The following MMP24 variants were observed in gnomAD, a reference collection of about 807,000 sequenced individuals.
MMP24 encodes matrix metallopeptidase 24.
A neutral mutation model predicts 62.8 loss-of-function variants in MMP24; 25 were observed. The ratio of observed to expected loss-of-function variants is 0.40; its 90% confidence interval spans 0.29 to 0.56. The LOEUF (loss-of-function observed/expected upper bound fraction) is 0.56, where lower values mean the gene tolerates loss of function less well. MMP24 is among the 20% of genes least tolerant of loss of function. MMP24 has a pLI of 0.50. For synonymous variants in MMP24, 319 were observed against 350.5 expected (o/e 0.91, Z 1.00); for missense variants, 634 against 853.6 (o/e 0.74, Z 3.21).
rs1311466047 is a variant in MMP24 at position 35,254,751 on chromosome 20, G to C, written c.814G>C (p.Asp272His). ...ATGGACGCTAGGAAATGCCAACCAT[G>C]ACGGTAAGGCCATGAGGGGACAGGG... ...EPWTLGNANH[D>H]GNDLFLVAVH... Residue 272 changes from aspartate to histidine, a missense_variant, in exon 4 of 9, where the codon GAC (aspartate) becomes CAC (histidine). Transcript: ENST00000246186. 6.2e-7 allele frequency: 1 copy of C among 1,610,576 alleles called. No homozygotes were observed. Among genetic ancestry groups the C allele is most frequent in the Non-Finnish European group, 8.5e-7 (1 of 1,177,832 alleles).
chr20:35,267,320 C>T lies in MMP24; in HGVS notation c.1095C>T (p.Pro365=). Reference sequence around the variant, plus strand: ...GCCAGCCCAGGCCCCCTCGGCCGCCCCTCGGGGACCGGCCATCCACACCAG... The same window carrying T: ...GCCAGCCCAGGCCCCCTCGGCCGCCTCTCGGGGACCGGCCATCCACACCAG... ...HERQPRPPRP[P]LGDRPSTPGT... Residue 365 remains proline (P), a synonymous_variant, in exon 6 of 9, where the codon CCC becomes CCT. Coordinates refer to ENST00000246186, the MANE Select transcript of MMP24 (RefSeq NM_006690.4). 1 of 1,590,954 alleles carries T rather than the reference C, an allele frequency of 6.3e-7. No individual in the cohort carries two copies. The highest frequency in any genetic ancestry group is 8.6e-7 in the Non-Finnish European group (1 of 1,169,468).
intron 4 of MMP24, 29 bp downstream of exon 4, chr20:35,254,783 C>T: frequency 6.4e-7 from 1 of 1,573,444 alleles, no homozygotes; most frequent in Non-Finnish European, 8.6e-7. Context: ...AGGGGTCAGT[C>T]TTGGGCTGCT....
intron 2 of MMP24, among the ~76,000 whole-genome samples, chr20:35,250,572 A>G (rs535797608): frequency 3.9e-5 from 6 of 152,122 alleles, no homozygotes; most frequent in Middle Eastern, 3.4e-3. Context: ...CAAAAAAAAA[A>G]AAAGAAAGAA....
intron 2 of MMP24, among the ~76,000 whole-genome samples, chr20:35,250,666 A>G (rs1054717806): frequency 4.5e-4 from 69 of 152,192 alleles, no homozygotes; most frequent in African/African-American, 1.6e-3. Flanking sequence ...TACAGGAAGC[A>G]TGGCTGGGGA....
chr20:35,227,790 A>G (rs2060421245), intron 1 of MMP24, among the ~76,000 whole-genome samples: 1 of 152,200 alleles, frequency 6.6e-6, no homozygotes, highest in Admixed American at 6.5e-5. Flanking sequence ...TCTATGAAAT[A>G]GCTGCAATTA....
In MMP24 at chr20:35,271,491, T is replaced by C. The variant is rs1465374736; in HGVS notation, c.1334-78T>C. 6.5e-7 allele frequency: 1 copy of C among 1,529,866 alleles called. No individual in the cohort carries two copies. The highest frequency in any genetic ancestry group is 8.8e-7 in the Non-Finnish European group (1 of 1,132,826). 94.8% of individuals were successfully genotyped at this position (1,529,866 alleles called of 1,614,324 possible). A position where few individuals can be genotyped will look rare whatever the true frequency, so the allele number is the denominator to read the frequency against. ...CAAGGGGCTGAGGGCATCAGACTGT[T>C]TTCACCTGACACCCTGAAGATGGGC... On this transcript the variant is annotated intron_variant, in intron 7 of 8. Coordinates refer to ENST00000246186, the MANE Select transcript of MMP24 (RefSeq NM_006690.4). The surrounding 1 kb of genome is among the most constrained non-coding windows in gnomAD (Gnocchi z 4.0).
intron 1 of MMP24, among the ~76,000 whole-genome samples, chr20:35,238,415 T>G (rs1436086387): frequency 1.3e-5 from 2 of 152,096 alleles, no homozygotes; most frequent in Non-Finnish European, 2.9e-5. Context: ...CTGACAGGGA[T>G]GTACAAGGAC....
chr20:35,227,036 CG>C (rs1322136792), intron 1 of MMP24, 52 bp downstream of exon 1: 4 of 947,058 alleles, frequency 4.2e-6, no homozygotes, highest in Non-Finnish European at 5.0e-6. Context: ...CCGGGCAGGG[CG>C]GGGGGCGGCA....
intron 1 of MMP24, among the ~76,000 whole-genome samples, chr20:35,242,255 C>G (rs1168434254): frequency 6.6e-6 from 1 of 152,064 alleles, no homozygotes; most frequent in East Asian, 1.9e-4. Flanking sequence ...TTGCTTGAAC[C>G]TGGGAGGCAG....
At chr20:35,264,990 G>T in intron 5 of MMP24, among the ~76,000 whole-genome samples, 1 of 152,196 alleles carries the variant, frequency 6.6e-6, no homozygotes, top group Non-Finnish European at 1.5e-5. Context: ...AGCCCTGGAG[G>T]ACAGGCAGGA....
At chr20:35,260,262 G>T (rs777757350) in intron 4 of MMP24, among the ~76,000 whole-genome samples, 2 of 152,150 alleles carry the variant, frequency 1.3e-5, no homozygotes, top group Non-Finnish European at 2.9e-5. Context: ...CAGGATACTG[G>T]CTCCCTCGCT....
At position 35,254,625 on chromosome 20, in the gene MMP24, G is replaced by T. The variant is rs375086359; in HGVS notation, c.688G>T (p.Gly230Cys). The change falls in exon 4 of 9, where the codon GGC becomes TGC. Residue 230 changes from glycine to cysteine, a missense_variant. Around this residue, in one of 3 missense-constraint regions of MMP24, gnomAD observed 23 missense variants for 63.1 expected, o/e 0.36. Coordinates refer to ENST00000246186, the MANE Select transcript of MMP24 (RefSeq NM_006690.4). ...IMIFFASGFH[G>C]DSSPFDGEGG... ...GATCTTTTTTGCTTCTGGTTTCCAT[G>T]GCGACAGCTCCCCATTTGATGGAGA... is the stretch of plus-strand genomic sequence containing the variant. 1 of 1,614,212 alleles carries T rather than the reference G, an allele frequency of 6.2e-7. No individual in the cohort carries two copies. Among genetic ancestry groups the T allele is most frequent in the Non-Finnish European group, 8.5e-7 (1 of 1,180,044 alleles).
intron 4 of MMP24, chr20:35,263,562 T>TA: frequency 2.6e-6 from 1 of 386,456 alleles, no homozygotes; most frequent in East Asian, 4.0e-5. Flanking sequence ...CAGACATTCT[T>TA]AAAGCACCCA....
intron 5 of MMP24, among the ~76,000 whole-genome samples, chr20:35,266,950 A>G (rs2060638589): frequency 1.3e-5 from 2 of 152,122 alleles, no homozygotes; most frequent in South Asian, 4.2e-4. Flanking sequence ...CGCTGACCCT[A>G]AGGAAGGACA....
intron 6 of MMP24, among the ~76,000 whole-genome samples, chr20:35,268,419 G>A (rs1031663241): frequency 5.9e-5 from 9 of 152,204 alleles, no homozygotes; most frequent in African/African-American, 1.2e-4. Flanking sequence ...CTCCCAGCAC[G>A]CACTGAGCAC....
At chr20:35,227,364 G>A (rs187840561) in intron 1 of MMP24, among the ~76,000 whole-genome samples, 2 of 151,804 alleles carry the variant, frequency 1.3e-5, no homozygotes, top group Non-Finnish European at 2.9e-5. Flanking sequence ...AAGAAACCGA[G>A]GATGTTCAAG....
chr20:35,238,801 C>T (rs2060475295), intron 1 of MMP24, among the ~76,000 whole-genome samples: 1 of 152,222 alleles, frequency 6.6e-6, no homozygotes, highest in Admixed American at 6.5e-5. Flanking sequence ...CACTCTCCAT[C>T]TCTCCAACCG....
In MMP24 at chr20:35,246,862, A is replaced by G. The variant is rs767827478; in HGVS notation, c.269A>G (p.Tyr90Cys). The change falls in exon 2 of 9, where the codon TAT becomes TGT. Residue 90 changes from tyrosine to cysteine, a missense_variant. Tyr to Cys is a radical substitution (Grantham distance 194, BLOSUM62 -2). This residue lies in a region of MMP24 where 212 missense variants were observed against 259.6 expected (regional missense o/e 0.82). Coordinates refer to ENST00000246186, the MANE Select transcript of MMP24 (RefSeq NM_006690.4). Reference protein sequence around the residue: ...AGQNWLKSYGYLLPYDSRASA... With the variant: ...AGQNWLKSYGCLLPYDSRASA... ...CAGAACTGGTTAAAGTCCTATGGCT[A>G]TCTGCTTCCCTATGACTCACGGGCA... is the stretch of plus-strand genomic sequence containing the variant. The G allele has an allele frequency of 3.1e-5, 50 of 1,613,898 alleles. No homozygotes were observed. The highest frequency in any genetic ancestry group is 3.8e-5 in the Non-Finnish European group (45 of 1,179,890).
intron 7 of MMP24, 103 bp downstream of exon 7, chr20:35,270,001 G>A: frequency 7.1e-7 from 1 of 1,414,670 alleles, no homozygotes; most frequent in Non-Finnish European, 9.6e-7. Flanking sequence ...GATGTCCTCA[G>A]AGGGCCCCTC....
Sources: gnomAD v4.1 joint callset for allele counts (sites outside exome capture counted in the v4.1 genomes callset) on GRCh38, gnomAD v4.1.1 for gene constraint, gnomAD v4.1.1 regional missense constraint, Gnocchi (gnomAD v3.1) non-coding constraint, MANE v1.5 for transcripts, NCBI Gene and HGNC (gene_info 2026-07-23, HGNC 2026-07-21) for gene names.